CREB3L2: variants seen among roughly 807,000 people sequenced by gnomAD.
CREB3L2 encodes the protein cyclic AMP-responsive element-binding protein 3-like protein 2.
A neutral mutation model predicts 57.2 loss-of-function variants in CREB3L2; 23 were observed. The ratio of observed to expected loss-of-function variants is 0.40; its 90% confidence interval spans 0.29 to 0.57. The LOEUF (loss-of-function observed/expected upper bound fraction) is 0.57. Among genes scored for constraint, CREB3L2 ranks in the 20% least tolerant of loss-of-function variants. The probability of loss-of-function intolerance (pLI) is 0.42; values close to 1 mark genes in which losing one functional copy is unlikely to be tolerated. For missense variants in CREB3L2, 628 were observed against 634.7 expected, an observed-to-expected ratio of 0.99 and a Z score of 0.11; for synonymous variants, 268 against 265.1, an observed-to-expected ratio of 1.01 and a Z score of -0.11.
intron 1 of CREB3L2, among the ~76,000 whole-genome samples, chr7:137,971,477 G>T (rs1396613879): frequency 6.6e-6 from 1 of 152,046 alleles, no homozygotes; most frequent in African/African-American, 2.4e-5. Context: ...TTTGGATGGG[G>T]GGAGACATTG....
intron 3 of CREB3L2, 30 bp downstream of exon 3, chr7:137,915,807 C>A: frequency 6.9e-6 from 11 of 1,590,704 alleles, no homozygotes; most frequent in Non-Finnish European, 8.6e-6. Context: ...TTTAATCCAA[C>A]CTGTTTAAAC....
intron 1 of CREB3L2, among the ~76,000 whole-genome samples, chr7:137,984,557 C>A (rs1422815567): frequency 2.0e-5 from 3 of 152,230 alleles, no homozygotes; most frequent in Non-Finnish European, 4.4e-5. Flanking sequence ...GGGCCTAGCT[C>A]AGGACTGCTT....
intron 8 of CREB3L2, among the ~76,000 whole-genome samples, chr7:137,887,386 C>A (rs147151211): frequency 7.2e-5 from 11 of 152,270 alleles, no homozygotes; most frequent in African/African-American, 2.6e-4. Context: ...CAGCCCTCAG[C>A]ACACAGAGTA....
At chr7:137,944,091 C>T (rs1183183557) in intron 1 of CREB3L2, among the ~76,000 whole-genome samples, 3 of 152,184 alleles carry the variant, frequency 2.0e-5, no homozygotes, top group Non-Finnish European at 4.4e-5. Context: ...GAATACTCTT[C>T]ACATTTGCAA....
intron 5 of CREB3L2, among the ~76,000 whole-genome samples, 195 bp from the exon 6 acceptor site, chr7:137,906,043 G>A (rs1245569996): frequency 6.6e-6 from 1 of 152,160 alleles, no homozygotes; most frequent in East Asian, 1.9e-4. Flanking sequence ...CCCCATGTGA[G>A]TGTTATAACC....
chr7:137,991,441 G>A (rs1048928001), intron 1 of CREB3L2, among the ~76,000 whole-genome samples: 90 of 152,130 alleles, frequency 5.9e-4, no homozygotes, highest in Middle Eastern at 6.8e-3. Flanking sequence ...TGGGATTACA[G>A]GCGTGAGCCA....
chr7:137,938,224 T>C (rs906419488), intron 1 of CREB3L2, among the ~76,000 whole-genome samples: 1 of 152,210 alleles, frequency 6.6e-6, no homozygotes, highest in Admixed American at 6.5e-5. Flanking sequence ...ACCAATATGA[T>C]GGTAGATGTT....
In CREB3L2 at chr7:137,882,456, C is replaced by T; in HGVS notation, c.1443G>A (p.Glu481=). 6.2e-7 allele frequency: 1 copy of T among 1,614,038 alleles called. No individual in the cohort carries two copies. The highest frequency in any genetic ancestry group is 8.5e-7 in the Non-Finnish European group (1 of 1,179,946). Residue 481 remains glutamate (E), a synonymous_variant, in exon 11 of 12, where the codon GAG becomes GAA. Coordinates refer to ENST00000330387, the MANE Select transcript of CREB3L2 (RefSeq NM_194071.4). ...AAAGCACTGACTTCTCCAGGCTGGT[C>T]TCATTCGAGATAATGAAATGGGGAA... ...VDLPHFIISN[E]TSLEKSVLLE... is the part of the protein sequence containing the mutation.
At chr7:137,891,946 G>A (rs1426537308) in intron 8 of CREB3L2, among the ~76,000 whole-genome samples, 1 of 152,014 alleles carries the variant, frequency 6.6e-6, no homozygotes, top group Non-Finnish European at 1.5e-5. Flanking sequence ...GGTGTGTGCG[G>A]GTGCACATAT....
At chr7:137,927,664 C>T (rs1032299758) in intron 2 of CREB3L2, among the ~76,000 whole-genome samples, 1 of 151,320 alleles carries the variant, frequency 6.6e-6, no homozygotes, top group African/African-American at 2.4e-5. Flanking sequence ...AAAGGGTAAT[C>T]AACAAGAAAG....
rs1563278585 is a variant in CREB3L2 at position 138,001,294 on chromosome 7, C to G, written c.102+310G>C. Among the ~76,000 whole-genome samples, 1 of 152,078 alleles carries G rather than the reference C, an allele frequency of 6.6e-6. No homozygotes were observed. The highest frequency in any genetic ancestry group is 2.4e-5 in the African/African-American group (1 of 41,400). ...GGAGGCATGTTATTCTCAAAACACACACTCCCTCTCCCGCATTACAGTACT... is the reference window on the plus strand; with the variant it reads ...GGAGGCATGTTATTCTCAAAACACAGACTCCCTCTCCCGCATTACAGTACT... On this transcript the variant is annotated intron_variant, in intron 1 of 11. Coordinates refer to ENST00000330387, the MANE Select transcript of CREB3L2 (RefSeq NM_194071.4). This position sits in a 1 kb window ranked among gnomAD's most constrained non-coding sequence, Gnocchi z 4.2.
intron 8 of CREB3L2, among the ~76,000 whole-genome samples, chr7:137,895,330 C>A (rs77601009): frequency 0.02 from 3,116 of 152,312 alleles, 98 homozygotes; most frequent in African/African-American, 0.072. Flanking sequence ...TGCTCAGACA[C>A]CAGCAAGTGA....
At chr7:137,951,199 T>C (rs1385310682) in intron 1 of CREB3L2, among the ~76,000 whole-genome samples, 2 of 152,148 alleles carry the variant, frequency 1.3e-5, no homozygotes, top group African/African-American at 4.8e-5. Flanking sequence ...GACGTTGCTG[T>C]CTAAAACACC....
At chr7:137,961,633 T>G (rs1440264942) in intron 1 of CREB3L2, among the ~76,000 whole-genome samples, 1 of 152,014 alleles carries the variant, frequency 6.6e-6, no homozygotes, top group Non-Finnish European at 1.5e-5. Flanking sequence ...TGTCCTCCCC[T>G]CCCCATTTCT....
chr7:137,932,939 T>C (rs539742625), intron 1 of CREB3L2, among the ~76,000 whole-genome samples: 1 of 152,286 alleles, frequency 6.6e-6, no homozygotes, highest in South Asian at 2.1e-4. Context: ...GACTCACAGG[T>C]CTAAGCAGGC....
At chr7:137,927,420 A>G (rs1800497390) in intron 2 of CREB3L2, among the ~76,000 whole-genome samples, 1 of 143,240 alleles carries the variant, frequency 7.0e-6, no homozygotes, top group African/African-American at 2.7e-5. Context: ...AGGGAAGGGA[A>G]GCAAGGGAGG....
At chr7:137,957,313 C>T (rs1211821327) in intron 1 of CREB3L2, among the ~76,000 whole-genome samples, 1 of 152,212 alleles carries the variant, frequency 6.6e-6, no homozygotes, top group African/African-American at 2.4e-5. Context: ...AACACATTTA[C>T]CACTTACTTT....
At chr7:137,942,012 AATTG>A (rs1800889516) in intron 1 of CREB3L2, among the ~76,000 whole-genome samples, 2 of 152,118 alleles carry the variant, frequency 1.3e-5, no homozygotes, top group African/African-American at 4.8e-5. Context: ...ATCAATTCAT[AATTG>A]ATTGATTGAT....
At chr7:137,924,614 C>T (rs1800409524) in intron 2 of CREB3L2, among the ~76,000 whole-genome samples, 1 of 152,202 alleles carries the variant, frequency 6.6e-6, no homozygotes, top group Admixed American at 6.5e-5. Flanking sequence ...CTCTTAACCT[C>T]ATGACATGTT....
Sources: gnomAD v4.1 joint callset for allele counts (sites outside exome capture counted in the v4.1 genomes callset) on GRCh38, gnomAD v4.1.1 for gene constraint, Gnocchi (gnomAD v3.1) non-coding constraint, MANE v1.5 for transcripts, NCBI Gene and HGNC (gene_info 2026-07-23, HGNC 2026-07-21) for gene names.